ANKRD24: variants seen among roughly 807,000 people sequenced by gnomAD.
The protein encoded by ANKRD24 is ankyrin repeat domain 24.
Under a neutral mutation model 127.8 loss-of-function variants are expected in ANKRD24, and 109 were observed. The ratio of observed to expected loss-of-function variants is 0.85; its 90% confidence interval spans 0.73 to 1.00. ANKRD24 has a LOEUF of 1.00. Ranked by LOEUF, ANKRD24 falls within the 50% of genes least tolerant of loss-of-function variation. The pLI is 0.00. For missense variants in ANKRD24, 1,648 were observed against 1,570.2 expected (o/e 1.05, Z -0.84); for synonymous variants, 743 against 671.1 (o/e 1.11, Z -1.66).
rs1025083682 is a variant in ANKRD24 at position 4,186,593 on chromosome 19, G to A, written c.36+132G>A. 2.5e-5 allele frequency: 26 copies of A among 1,035,866 alleles called. No individual in the cohort carries two copies. The Admixed American group carries it at 5.1e-4, about 20-fold the overall frequency. 64.2% of individuals were successfully genotyped at this position (1,035,866 alleles called of 1,614,324 possible). On this transcript the variant is annotated intron_variant, in intron 2 of 21. Transcript: ENST00000318934. ...CCTTTCCTCTCTGCTGCCCCCTAGC[G>A]TCATGACCTCCCCACTGCTCCCCGT...
At chr19:4,207,680 G>A (rs1190260807) in intron 9 of ANKRD24, 73 bp downstream of exon 9, 19 of 1,598,286 alleles carry the variant, frequency 1.2e-5, no homozygotes, top group Middle Eastern at 1.7e-4. Flanking sequence ...TAAGTAAGAC[G>A]ATCTAGCCAG....
At chr19:4,197,876 GGTGAACGAATGAACGAGTGA>G (rs1276974037) in intron 2 of ANKRD24, among the ~76,000 whole-genome samples, 3 of 151,852 alleles carry the variant, frequency 2.0e-5, no homozygotes, top group African/African-American at 7.3e-5. Context: ...TGAACGAGTG[GGTGAACGAATGAACGAGTGA>G]GTGAATGAAT....
intron 7 of ANKRD24, chr19:4,207,005 A>G (rs1392062626): frequency 3.5e-6 from 2 of 565,606 alleles, no homozygotes; most frequent in Non-Finnish European, 6.3e-6. Flanking sequence ...TCCTGAGCTC[A>G]AGCGGTCCTC....
chr19:4,207,869 G>C lies in ANKRD24; in HGVS notation c.733G>C (p.Ala245Pro). The change falls in exon 10 of 22, where the codon GCG (alanine) becomes CCG (proline). Residue 245 changes from alanine (A) to proline (P), a missense_variant. By Grantham distance (27) the Ala-to-Pro change is conservative. Coordinates refer to ENST00000318934, the MANE Select transcript of ANKRD24 (RefSeq NM_001393985.1). Reference protein sequence around the residue: ...QGGAQPGITDALGQDAAHYGA... With the variant: ...QGGAQPGITDPLGQDAAHYGA... Reference sequence around the variant, plus strand: ...CGGAGCCCAGCCGGGCATCACCGATGCGCTGGGGCAGGACGCGGCTCACTA... The same window carrying C: ...CGGAGCCCAGCCGGGCATCACCGATCCGCTGGGGCAGGACGCGGCTCACTA... The C allele has an allele frequency of 6.4e-7, 1 of 1,560,858 alleles. No individual in the cohort carries two copies. The highest frequency in any genetic ancestry group is 8.7e-7 in the Non-Finnish European group (1 of 1,155,386).
intron 2 of ANKRD24, among the ~76,000 whole-genome samples, chr19:4,194,924 C>T (rs1261212068): frequency 6.6e-6 from 1 of 152,054 alleles, no homozygotes; most frequent in Admixed American, 6.6e-5. Context: ...TGACAGTATC[C>T]ATGGTACACA....
chr19:4,183,006 C>T, intron 1 of ANKRD24, among the ~76,000 whole-genome samples: 1 of 39,700 alleles, frequency 2.5e-5, no homozygotes. Context: ...TGTGACGGAG[C>T]CTCGCTCTGT....
At chr19:4,208,011 C>G in intron 10 of ANKRD24, 43 bp downstream of exon 10, 1 of 1,424,070 alleles carries the variant, frequency 7.0e-7, no homozygotes, top group Middle Eastern at 1.8e-4. Context: ...TTCTTGGCAG[C>G]TTCTTGTCAC....
At chr19:4,203,014 C>G in intron 7 of ANKRD24, 88 bp downstream of exon 7, 2 of 1,115,776 alleles carry the variant, frequency 1.8e-6, no homozygotes, top group Non-Finnish European at 2.5e-6. Flanking sequence ...AGGGACCTGA[C>G]CTGCTGTGAA....
chr19:4,212,725 G>A (rs1969816271), intron 15 of ANKRD24, 27 bp downstream of exon 15: 2 of 1,544,146 alleles, frequency 1.3e-6, no homozygotes, highest in Non-Finnish European at 1.7e-6. Flanking sequence ...GTCAGGGCTG[G>A]GCTGGGGCTG....
At chr19:4,207,451 T>C (rs926094618) in intron 8 of ANKRD24, 50 bp from the exon 9 acceptor site, 4 of 1,592,992 alleles carry the variant, frequency 2.5e-6, no homozygotes, top group Non-Finnish European at 3.4e-6. Context: ...CTTCTGCACC[T>C]CCCGGGGGTC....
chr19:4,212,717 CAG>C lies in ANKRD24; in HGVS notation c.1197+20_1197+21del, dbSNP rs1775962128. ...GCTGGAGGTAGGAGCAGTGATGAGTCAGGGCTGGGCTGGGGCTGGGTCGGGGA... is the reference window on the plus strand; with the variant it reads ...GCTGGAGGTAGGAGCAGTGATGAGTCGGCTGGGCTGGGGCTGGGTCGGGGA... On this transcript the variant is annotated intron_variant, in intron 15 of 21. Transcript: ENST00000318934. 1 of 1,547,086 alleles carries C rather than the reference CAG, an allele frequency of 6.5e-7. No individual in the cohort carries two copies. The highest frequency in any genetic ancestry group is 1.4e-5 in the African/African-American group (1 of 72,906).
chr19:4,189,086 A>C (rs1968228460), intron 2 of ANKRD24, among the ~76,000 whole-genome samples: 2 of 152,162 alleles, frequency 1.3e-5, no homozygotes, highest in Non-Finnish European at 2.9e-5. Context: ...CTGGAATTAC[A>C]GGCGTGAGCC....
rs1331552735 is a variant in ANKRD24, at chr19:4,195,498, C to G, written c.37-4185C>G. Among the ~76,000 whole-genome samples the G allele has an allele frequency of 1.3e-5, 2 of 152,160 alleles. No individual in the cohort carries two copies. Among genetic ancestry groups the G allele is most frequent in the Non-Finnish European group, 2.9e-5 (2 of 68,030 alleles). On this transcript the variant is annotated intron_variant, in intron 2 of 21. Coordinates refer to ENST00000318934, the MANE Select transcript of ANKRD24 (RefSeq NM_001393985.1). The surrounding 1 kb of genome is among the most constrained non-coding windows in gnomAD (Gnocchi z 4.2). ...AGAAGCTCAGAGGACCTCCCCACCC[C>G]CAAGGGTGGAAGGAGAGAAGAGTTC...
intron 18 of ANKRD24, among the ~76,000 whole-genome samples, chr19:4,218,811 A>C (rs1970285798): frequency 7.8e-6 from 1 of 128,412 alleles, no homozygotes; most frequent in South Asian, 2.4e-4. Flanking sequence ...CCAGTCACCC[A>C]GGCTGGAGTG....
Position 4,224,497 on chromosome 19 carries a change from G to C in ANKRD24, c.3433G>C (p.Gly1145Arg). The C allele has an allele frequency of 6.2e-7, 1 of 1,608,572 alleles. No homozygotes were observed. The highest frequency in any genetic ancestry group is 8.5e-7 in the Non-Finnish European group (1 of 1,177,754). ...GCAGATGCAGAGACTCCAGGCTCAG[G>C]GCCGCTGAGAAAGGCCAGGCCCAGT... The part of the protein sequence containing the change: ...ILQMQRLQAQ[G>R]R The change falls in exon 22 of 22, where the codon GGC becomes CGC. Residue 1145 changes from glycine (G) to arginine (R), a missense_variant. Gly to Arg is a moderately radical substitution (Grantham distance 125). Coordinates refer to ENST00000318934, the MANE Select transcript of ANKRD24 (RefSeq NM_001393985.1).
In ANKRD24 at chr19:4,186,380, C is replaced by T. The variant is rs1458445441; in HGVS notation, c.-36-10C>T. 13 of 1,565,448 alleles carry T rather than the reference C, an allele frequency of 8.3e-6. No individual in the cohort carries two copies. Among genetic ancestry groups the T allele is most frequent in the Non-Finnish European group, 1.0e-5 (12 of 1,155,220 alleles). Reference sequence around the variant, plus strand: ...GTCCCTCACCTTACCCCCACCCTTGCCCTCCTCAGGTGGCCTGTGGAGAGG... The same window carrying T: ...GTCCCTCACCTTACCCCCACCCTTGTCCTCCTCAGGTGGCCTGTGGAGAGG... On this transcript the variant is annotated splice_polypyrimidine_tract_variant and intron_variant, in intron 1 of 21. Coordinates refer to ENST00000318934, the MANE Select transcript of ANKRD24 (RefSeq NM_001393985.1).
rs924158323 is a variant in ANKRD24 at position 4,198,828 on chromosome 19, G to A, written c.37-855G>A. Among the ~76,000 whole-genome samples, 1 of 152,184 alleles carries A rather than the reference G, an allele frequency of 6.6e-6. No individual in the cohort carries two copies. Among genetic ancestry groups the A allele is most frequent in the Non-Finnish European group, 1.5e-5 (1 of 68,038 alleles). On this transcript the variant is annotated intron_variant, in intron 2 of 21. Transcript: ENST00000318934. This position sits in a 1 kb window ranked among gnomAD's most constrained non-coding sequence, Gnocchi z 6.1. ...GGGAAAACATTTTGGAGACAGATGG[G>A]GTCATTGAGGGGACAACTTGGAAGC...
Position 4,217,562 on chromosome 19 carries a change from G to C in ANKRD24, c.2402G>C (p.Arg801Pro). Residue 801 changes from arginine (R) to proline (P), a missense_variant, in exon 18 of 22, where the codon CGG becomes CCG. By Grantham distance (103) the Arg-to-Pro change is moderately radical. Coordinates refer to ENST00000318934, the MANE Select transcript of ANKRD24 (RefSeq NM_001393985.1). ...CAGGCCCGGGAGGACCTCCGAGACC[G>C]GGACTCCCGCCTGCGGGAGCTGGAG... ...LEQAREDLRDRDSRLRELEAA... is the reference protein window; with the variant it reads ...LEQAREDLRDPDSRLRELEAA... The C allele has an allele frequency of 2.3e-6, 3 of 1,314,514 alleles. No individual in the cohort carries two copies. Among genetic ancestry groups the C allele is most frequent in the Admixed American group, 4.2e-5 (1 of 23,818 alleles). The allele number at this position is 1,314,514 out of a possible 1,614,324, so 81.4% of individuals were successfully genotyped here.
At position 4,202,942 on chromosome 19, in the gene ANKRD24, C is replaced by A; in HGVS notation, c.466+16C>A. The A allele has an allele frequency of 6.5e-7, 1 of 1,548,728 alleles. No homozygotes were observed. Among genetic ancestry groups the A allele is most frequent in the Non-Finnish European group, 8.7e-7 (1 of 1,145,398 alleles). On this transcript the variant is annotated intron_variant, in intron 7 of 21. Coordinates refer to ENST00000318934, the MANE Select transcript of ANKRD24 (RefSeq NM_001393985.1). ...CACCATGCAGGTGGGTGCAGCCCAG[C>A]CCTGCCCTGACCCCGAAGCCCAGAG... is the stretch of plus-strand genomic sequence containing the variant.
Sources: allele counts gnomAD v4.1 joint callset (sites outside exome capture counted in the v4.1 genomes callset), GRCh38; gene constraint gnomAD v4.1.1; non-coding constraint Gnocchi (gnomAD v3.1); transcripts MANE v1.5; gene names NCBI Gene and HGNC (gene_info 2026-07-23, HGNC 2026-07-21).